ZMPSTE24: variants seen among roughly 807,000 people sequenced by gnomAD.
ZMPSTE24 encodes CAAX prenyl protease 1 homolog.
ZMPSTE24 carries 48 observed loss-of-function variants against 56.7 expected under a neutral mutation model. That is an observed-to-expected ratio of 0.85 (90% CI 0.67 to 1.08). The LOEUF is 1.08. ZMPSTE24 is among the 50% of genes least tolerant of loss of function. The pLI, the probability that ZMPSTE24 is intolerant of heterozygous loss-of-function variation, is 0.00. For synonymous variants in ZMPSTE24, 172 were observed against 195.2 expected (o/e 0.88, Z 0.99); for missense variants, 503 against 548.7 (o/e 0.92, Z 0.83).
intron 3 of ZMPSTE24, among the ~76,000 whole-genome samples, 173 bp from the exon 4 acceptor site, chr1:40,268,246 A>C (rs1229095284): frequency 6.6e-6 from 1 of 152,158 alleles, no homozygotes; most frequent in Non-Finnish European, 1.5e-5. Flanking sequence ...TTTCTCATTT[A>C]CTTCTCTCAA....
At position 40,268,540 on chromosome 1, in the gene ZMPSTE24, A is replaced by G; in HGVS notation, c.474+5A>G. On this transcript the variant is annotated splice_donor_5th_base_variant and intron_variant, in intron 4 of 9. Coordinates refer to ENST00000372759, the MANE Select transcript of ZMPSTE24 (RefSeq NM_005857.5). ...AAACATGGCTTCAATCAACAGGTAT[A>G]ATAAAGAATACAAATGTTCTCTTTT... 2 of 1,538,378 alleles carry G rather than the reference A, an allele frequency of 1.3e-6. No individual in the cohort carries two copies. The highest frequency in any genetic ancestry group is 2.2e-5 in the East Asian group (1 of 44,504).
intron 1 of ZMPSTE24, chr1:40,259,654 G>A (rs7517840): frequency 0.1 from 15,774 of 152,208 alleles, 903 homozygotes; most frequent in South Asian, 0.15. Context: ...ACCCAGACTG[G>A]AGCACAGTAG....
At chr1:40,283,152 G>A (rs1384237414) in intron 7 of ZMPSTE24, among the ~76,000 whole-genome samples, 3 of 152,252 alleles carry the variant, frequency 2.0e-5, no homozygotes, top group Non-Finnish European at 4.4e-5. Context: ...TAGGAAAACT[G>A]AAGTCCAGAA....
intron 7 of ZMPSTE24, among the ~76,000 whole-genome samples, chr1:40,284,613 G>A (rs1478501876): frequency 1.3e-5 from 2 of 151,976 alleles, no homozygotes; most frequent in African/African-American, 2.4e-5. Context: ...TTAGCCGGGT[G>A]TGGTGGCATG....
At chr1:40,285,288 G>A (rs926433450) in intron 7 of ZMPSTE24, among the ~76,000 whole-genome samples, 2 of 151,932 alleles carry the variant, frequency 1.3e-5, no homozygotes, top group Admixed American at 1.3e-4. Context: ...TTGTATTTTG[G>A]TAGAGACAGG....
intron 6 of ZMPSTE24, among the ~76,000 whole-genome samples, chr1:40,278,475 G>A (rs1432300309): frequency 6.9e-6 from 1 of 144,620 alleles, no homozygotes; most frequent in Non-Finnish European, 1.5e-5. Flanking sequence ...GGAGAATGGC[G>A]TGAACCCGGG....
At chr1:40,259,036 T>C (rs555012395) in intron 1 of ZMPSTE24, among the ~76,000 whole-genome samples, 431 of 152,174 alleles carry the variant, frequency 2.8e-3, no homozygotes, top group African/African-American at 0.01. Flanking sequence ...CGCGCACCTG[T>C]AGTCCCAGCT....
chr1:40,263,100 A>G (rs1035272573), intron 2 of ZMPSTE24: 41 of 602,826 alleles, frequency 6.8e-5, no homozygotes, highest in Admixed American at 1.3e-4. Flanking sequence ...TGTCCCTGGT[A>G]AATAGTGCCA....
chr1:40,286,018 A>G lies in ZMPSTE24; in HGVS notation c.1048A>G (p.Ile350Val), dbSNP rs1470574423. 1.2e-6 allele frequency: 2 copies of G among 1,613,100 alleles called. No individual in the cohort carries two copies. Among genetic ancestry groups the G allele is most frequent in the Non-Finnish European group, 1.7e-6 (2 of 1,179,254 alleles). Residue 350 changes from isoleucine (I) to valine (V), a missense_variant, in exon 8 of 10, where the codon ATT becomes GTT. Physicochemically the swap from Ile to Val is conservative, Grantham distance 29. Transcript: ENST00000372759. ...GTTGGGACATACAGTCAAAAATATC[A>G]TTATTAGCCAGGTAAGTGTGGAGTG... Reference protein sequence around the residue: ...WKLGHTVKNIIISQMNSFLCF... With the variant: ...WKLGHTVKNIVISQMNSFLCF...
intron 6 of ZMPSTE24, among the ~76,000 whole-genome samples, chr1:40,275,217 C>G (rs377201513): frequency 7.2e-6 from 1 of 139,026 alleles, no homozygotes; most frequent in African/African-American, 2.8e-5. Flanking sequence ...GTCAGAAATT[C>G]GAGACAAGCC....
chr1:40,263,668 G>A (rs1643520122), intron 2 of ZMPSTE24, among the ~76,000 whole-genome samples: 1 of 150,622 alleles, frequency 6.6e-6, no homozygotes, highest in Admixed American at 6.6e-5. Flanking sequence ...ATTTTGTGTT[G>A]ATTAGAATTA....
chr1:40,284,923 A>G (rs1220985816), intron 7 of ZMPSTE24, among the ~76,000 whole-genome samples: 1 of 130,014 alleles, frequency 7.7e-6, no homozygotes, highest in African/African-American at 3.1e-5. Flanking sequence ...TCAAAACATC[A>G]TCCCTTTTTT....
intron 8 of ZMPSTE24, among the ~76,000 whole-genome samples, chr1:40,286,876 C>T (rs1443072892): frequency 6.6e-6 from 1 of 151,212 alleles, no homozygotes; most frequent in African/African-American, 2.4e-5. Context: ...TACAGGCACA[C>T]GCCACCACAC....
At chr1:40,281,212 T>G in intron 6 of ZMPSTE24, 131 bp from the exon 7 acceptor site, 1 of 928,688 alleles carries the variant, frequency 1.1e-6, no homozygotes, top group Non-Finnish European at 1.7e-6. Flanking sequence ...TATGTTGATA[T>G]GATTTTTCTT....
At chr1:40,258,538 G>T (rs1198840875) in intron 1 of ZMPSTE24, 144 bp downstream of exon 1, 4 of 1,441,194 alleles carry the variant, frequency 2.8e-6, no homozygotes, top group East Asian at 2.4e-5. Context: ...AACTTGGCCC[G>T]ATGGCGGACT....
chr1:40,273,537 A>AAAAAATATATATATAT (rs1224234676), intron 6 of ZMPSTE24, among the ~76,000 whole-genome samples: 1 of 12,388 alleles, frequency 8.1e-5, no homozygotes, highest in Admixed American at 1.3e-3. Context: ...AAAAAAAAAA[A>AAAAAATATATATATAT]ATATATATAT....
At position 40,281,352 on chromosome 1, in the gene ZMPSTE24, G is replaced by A. The variant is rs774384746; in HGVS notation, c.779G>A (p.Arg260His). The A allele has an allele frequency of 3.1e-6, 5 of 1,613,656 alleles. No homozygotes were observed. The highest frequency in any genetic ancestry group is 2.2e-5 in the East Asian group (1 of 44,862). ...ACTGTCTTTTCCTTAGGATCTAAAC[G>A]CTCTTCCCACAGCAATGCTTATTTT... ...TKVYVVEGSKRSSHSNAYFYG... is the reference protein window; with the variant it reads ...TKVYVVEGSKHSSHSNAYFYG... The change falls in exon 7 of 10, where the codon CGC becomes CAC. Residue 260 changes from arginine (R) to histidine (H), a missense_variant. Arg to His is a conservative substitution (Grantham distance 29). Coordinates refer to ENST00000372759, the MANE Select transcript of ZMPSTE24 (RefSeq NM_005857.5).
At chr1:40,268,640 A>G (rs1643581079) in intron 4 of ZMPSTE24, 105 bp downstream of exon 4, 13 of 814,100 alleles carry the variant, frequency 1.6e-5, no homozygotes, top group Non-Finnish European at 2.3e-5. Flanking sequence ...CAGAGTATGA[A>G]TTGAGAAAAA....
chr1:40,267,145 C>A (rs941506888), intron 2 of ZMPSTE24, among the ~76,000 whole-genome samples: 4 of 151,702 alleles, frequency 2.6e-5, no homozygotes, highest in Admixed American at 2.6e-4. Flanking sequence ...TGTTTTAGAA[C>A]AGCTTTATTG....
Sources: allele counts gnomAD v4.1 joint callset (sites outside exome capture counted in the v4.1 genomes callset), GRCh38; gene constraint gnomAD v4.1.1; transcripts MANE v1.5; gene names NCBI Gene and HGNC (gene_info 2026-07-23, HGNC 2026-07-21).